ATG5: variants seen among roughly 807,000 people sequenced by gnomAD.
ATG5 encodes the protein autophagy related 5.
ATG5 carries 14 observed loss-of-function variants against 36.5 expected under a neutral mutation model. The observed-to-expected ratio is 0.38, with a 90% CI of 0.25 to 0.60. The LOEUF is 0.60. Among genes scored for constraint, ATG5 ranks in the 20% least tolerant of loss-of-function variants. The pLI is 0.60. For missense variants in ATG5, 195 were observed against 326.7 expected, an observed-to-expected ratio of 0.60 and a Z score of 3.11; for synonymous variants, 95 against 101.5, an observed-to-expected ratio of 0.94 and a Z score of 0.38.
At chr6:106,253,241 T>G (rs1309724375) in intron 5 of ATG5, among the ~76,000 whole-genome samples, 1 of 152,094 alleles carries the variant, frequency 6.6e-6, no homozygotes, top group Non-Finnish European at 1.5e-5. Context: ...ATGAGCCAGG[T>G]CAAATTAAGA....
At chr6:106,246,841 T>C (rs1778362014) in intron 6 of ATG5, among the ~76,000 whole-genome samples, 2 of 152,128 alleles carry the variant, frequency 1.3e-5, no homozygotes, top group Non-Finnish European at 2.9e-5. Flanking sequence ...CATGGTAAAA[T>C]AGAAAGAATA....
At position 106,248,248 on chromosome 6, in the gene ATG5, T is replaced by C. The variant is rs1186362708; in HGVS notation, c.479-4A>G. ...GCCCAAAACTGGTCAAATCTGTCTG[T>C]AATGATATAAATTATTTGTTATTAA... On this transcript the variant is annotated splice_region_variant and splice_polypyrimidine_tract_variant and intron_variant, in intron 5 of 7. Transcript: ENST00000369076. 2.5e-6 allele frequency: 4 copies of C among 1,579,216 alleles called. No individual in the cohort carries two copies. The highest frequency in any genetic ancestry group is 3.5e-6 in the Non-Finnish European group (4 of 1,148,898).
chr6:106,229,172 T>C (rs1286147709), intron 6 of ATG5, among the ~76,000 whole-genome samples: 3 of 152,218 alleles, frequency 2.0e-5, no homozygotes, highest in Non-Finnish European at 2.9e-5. Context: ...TCATTTCCTC[T>C]AGCAAGTTGT....
chr6:106,192,518 G>A (rs1344315870), intron 7 of ATG5, among the ~76,000 whole-genome samples: 2 of 152,214 alleles, frequency 1.3e-5, no homozygotes, highest in South Asian at 2.1e-4. Flanking sequence ...TTTAAAGGAG[G>A]CTTAAAGAAA....
chr6:106,235,816 A>AG, intron 6 of ATG5, among the ~76,000 whole-genome samples: 1 of 152,196 alleles, frequency 6.6e-6, no homozygotes, highest in African/African-American at 2.4e-5. Context: ...GCAACTGCAA[A>AG]AAAAAAATAG....
At chr6:106,292,945 C>A in intron 4 of ATG5, 83 bp downstream of exon 4, 1 of 1,113,462 alleles carries the variant, frequency 9.0e-7, no homozygotes, top group Non-Finnish European at 1.3e-6. Flanking sequence ...CAATAAATAA[C>A]TTCACTTAAA....
chr6:106,250,833 A>G (rs999601312), intron 5 of ATG5, among the ~76,000 whole-genome samples: 2 of 152,240 alleles, frequency 1.3e-5, no homozygotes, highest in Non-Finnish European at 2.9e-5. Flanking sequence ...TATCAATTGT[A>G]TGACTCTCTT....
chr6:106,296,042 T>A (rs1330966993), intron 3 of ATG5, among the ~76,000 whole-genome samples: 1 of 152,148 alleles, frequency 6.6e-6, no homozygotes, highest in Non-Finnish European at 1.5e-5. Context: ...AACTGCTGAA[T>A]GCATAAATCG....
At chr6:106,276,770 C>CTATTTAGG (rs1279495158) in intron 5 of ATG5, among the ~76,000 whole-genome samples, 4 of 152,282 alleles carry the variant, frequency 2.6e-5, no homozygotes, top group Middle Eastern at 3.4e-3. Flanking sequence ...TTTACACGAT[C>CTATTTAGG]CTCATCTTTT....
chr6:106,230,432 G>C (rs1430649178), intron 6 of ATG5, among the ~76,000 whole-genome samples: 2 of 152,158 alleles, frequency 1.3e-5, no homozygotes, highest in African/African-American at 4.8e-5. Context: ...GCTGGTAAAG[G>C]ACCACTAGAA....
chr6:106,311,366 T>C (rs1238425727), intron 2 of ATG5, among the ~76,000 whole-genome samples: 5 of 152,224 alleles, frequency 3.3e-5, no homozygotes, highest in African/African-American at 1.2e-4. Flanking sequence ...AACCTGATCT[T>C]GAGTTTCACG....
chr6:106,186,585 C>A lies in ATG5; in HGVS notation c.783G>T (p.Pro261=). Residue 261 remains proline (P), a synonymous_variant, in exon 8 of 8, where the codon CCG becomes CCT. Transcript: ENST00000369076. ...TGATACTAATATGAAGAAAATTATC[C>A]GGGTAGCTCAGATGTTCACTCAGCC... is the stretch of plus-strand genomic sequence containing the variant. ...LQWLSEHLSY[P]DNFLHISIIP... The A allele has an allele frequency of 6.2e-7, 1 of 1,613,676 alleles. No homozygotes were observed. Among genetic ancestry groups the A allele is most frequent in the African/African-American group, 1.3e-5 (1 of 75,012 alleles).
rs41292416 is a variant in ATG5 at position 106,184,703 on chromosome 6, A to T, written c.*1837T>A. On this transcript the variant is annotated 3_prime_UTR_variant, in exon 8 of 8. Coordinates refer to ENST00000369076, the MANE Select transcript of ATG5 (RefSeq NM_004849.4). ...AAATTTACTTTCAAATCTAGATCAG[A>T]AGTTCACTCAAGCCTACTGCAAAGG... The T allele has an allele frequency of 2.6e-5, 4 of 152,288 alleles. No individual in the cohort carries two copies. The highest frequency in any genetic ancestry group is 2.6e-4 in the Admixed American group (4 of 15,258). 9.4% of individuals were successfully genotyped at this position (152,288 alleles called of 1,614,324 possible).
chr6:106,251,717 AAGAAAG>A (rs971657759), intron 5 of ATG5, among the ~76,000 whole-genome samples: 28 of 146,168 alleles, frequency 1.9e-4, no homozygotes, highest in South Asian at 4.5e-4. Flanking sequence ...AAAAGAAAGA[AAGAAAG>A]AGAAAGAGAA....
At position 106,307,115 on chromosome 6, in the gene ATG5, T is replaced by C. The variant is rs574597621; in HGVS notation, c.236+1249A>G. 2.6e-5 allele frequency among the ~76,000 whole-genome samples: 4 copies of C among 152,344 alleles called. No individual in the cohort carries two copies. In the South Asian group the frequency reaches 8.3e-4, roughly 32 times the overall value. ...TTCTTGGGATCTCATCAGCACAAGG[T>C]GAGTTCCAAAATTTCTCTCCTTGCT... is the stretch of plus-strand genomic sequence containing the variant. On this transcript the variant is annotated intron_variant, in intron 3 of 7. Coordinates refer to ENST00000369076, the MANE Select transcript of ATG5 (RefSeq NM_004849.4).
At chr6:106,242,507 T>C (rs914959174) in intron 6 of ATG5, among the ~76,000 whole-genome samples, 10 of 152,186 alleles carry the variant, frequency 6.6e-5, no homozygotes, top group Admixed American at 1.3e-4. Flanking sequence ...TGTACAACAG[T>C]GTGAACATAA....
chr6:106,262,664 A>G (rs1274870014), intron 5 of ATG5, among the ~76,000 whole-genome samples: 1 of 151,956 alleles, frequency 6.6e-6, no homozygotes. Flanking sequence ...TACCCAGGTC[A>G]TCTTGTTGGG....
At chr6:106,300,177 T>G (rs191050873) in intron 3 of ATG5, among the ~76,000 whole-genome samples, 14 of 152,302 alleles carry the variant, frequency 9.2e-5, no homozygotes, top group African/African-American at 3.1e-4. Context: ...TATGCCTAGT[T>G]TTCCATTATT....
intron 6 of ATG5, among the ~76,000 whole-genome samples, chr6:106,218,553 T>A (rs974339546): frequency 4.6e-5 from 7 of 152,192 alleles, no homozygotes; most frequent in Non-Finnish European, 7.4e-5. Context: ...TTAGTTCTAC[T>A]CCATTAAGCA....
Sources: gnomAD v4.1 joint callset for allele counts (sites outside exome capture counted in the v4.1 genomes callset) on GRCh38, gnomAD v4.1.1 for gene constraint, MANE v1.5 for transcripts, NCBI Gene and HGNC (gene_info 2026-07-23, HGNC 2026-07-21) for gene names.